Variants in SNRNP40 observed in about 807,000 individuals in gnomAD.
The protein encoded by SNRNP40 is U5 small nuclear ribonucleoprotein 40 kDa protein.
Under a neutral mutation model 45.8 loss-of-function variants are expected in SNRNP40, and 21 were observed. The ratio of observed to expected loss-of-function variants is 0.46; its 90% CI spans 0.32 to 0.66. The LOEUF is 0.66. Among genes scored for constraint, SNRNP40 ranks in the 30% least tolerant of loss-of-function variants. The pLI is 0.03. For missense variants in SNRNP40, 344 were observed against 439.1 expected (o/e 0.78, Z 1.94); for synonymous variants, 142 against 163.8 (o/e 0.87, Z 1.01).
Position 31,269,224 on chromosome 1 carries a change from G to C in SNRNP40, c.792C>G (p.Val264=). The change falls in exon 7 of 10, where the codon GTC becomes GTG. Residue 264 remains valine (V), a synonymous_variant. Coordinates refer to ENST00000263694, the MANE Select transcript of SNRNP40 (RefSeq NM_004814.3). Reference sequence around the variant, plus strand: ...ATCTCTCTTTGGGGGCAAATGGCCGGACATCCCAGACACGAACTGCAAAAC... The same window carrying C: ...ATCTCTCTTTGGGGGCAAATGGCCGCACATCCCAGACACGAACTGCAAAAC... ...AMDNTVRVWD[V]RPFAPKERCV... 6.2e-7 allele frequency: 1 copy of C among 1,612,640 alleles called. No homozygotes were observed. Among genetic ancestry groups the C allele is most frequent in the Non-Finnish European group, 8.5e-7 (1 of 1,179,510 alleles).
At chr1:31,282,660 C>G (rs1311638541) in intron 4 of SNRNP40, among the ~76,000 whole-genome samples, 3 of 151,550 alleles carry the variant, frequency 2.0e-5, no homozygotes, top group African/African-American at 4.9e-5. Flanking sequence ...ATGTGTCTAT[C>G]TATCTATCTA....
At chr1:31,289,455 T>C (rs768001476) in intron 3 of SNRNP40, 36 bp from the exon 4 acceptor site, 2 of 1,576,336 alleles carry the variant, frequency 1.3e-6, no homozygotes, top group South Asian at 2.2e-5. Context: ...AAGAAATAAG[T>C]GAAGATAAAC....
At position 31,289,435 on chromosome 1, in the gene SNRNP40, AAG is replaced by A; in HGVS notation, c.366-18_366-17del. On this transcript the variant is annotated splice_polypyrimidine_tract_variant and intron_variant, in intron 3 of 9. Transcript: ENST00000263694. Reference sequence around the variant, plus strand: ...GAAAAGCATACTAGAAAGTAAGAGAAAGAATAAAAAAGAAATAAGTGAAGATA... The same window carrying A: ...GAAAAGCATACTAGAAAGTAAGAGAAAATAAAAAAGAAATAAGTGAAGATA... 2 of 1,598,714 alleles carry A rather than the reference AAG, an allele frequency of 1.3e-6. No homozygotes were observed. Among genetic ancestry groups the A allele is most frequent in the Non-Finnish European group, 8.6e-7 (1 of 1,168,014 alleles).
chr1:31,289,236 C>T lies in SNRNP40; in HGVS notation c.531+18G>A, dbSNP rs761981334. 8.7e-6 allele frequency: 14 copies of T among 1,611,148 alleles called. No individual in the cohort carries two copies. The highest frequency in any genetic ancestry group is 4.0e-5 in the African/African-American group (3 of 74,862). On this transcript the variant is annotated intron_variant, in intron 4 of 9. Coordinates refer to ENST00000263694, the MANE Select transcript of SNRNP40 (RefSeq NM_004814.3). ...TCACATCACCTCAGAAACTGGAACA[C>T]GGAGAGACAATACCCACCTTAACTG...
intron 5 of SNRNP40, among the ~76,000 whole-genome samples, chr1:31,277,152 G>T (rs1224191809): frequency 6.6e-6 from 1 of 152,100 alleles, no homozygotes; most frequent in Non-Finnish European, 1.5e-5. Flanking sequence ...AGCCATGATT[G>T]CACCACTGCA....
intron 6 of SNRNP40, among the ~76,000 whole-genome samples, chr1:31,270,715 T>C (rs530719907): frequency 2.0e-4 from 31 of 152,340 alleles, no homozygotes; most frequent in African/African-American, 7.0e-4. Flanking sequence ...TCAGGTATTG[T>C]TTTTGTTACA....
intron 8 of SNRNP40, among the ~76,000 whole-genome samples, chr1:31,265,130 G>GT (rs5773349): frequency 4.0e-4 from 60 of 151,278 alleles, no homozygotes; most frequent in African/African-American, 1.0e-3. Context: ...ATGTGATTTT[G>GT]TTTTTTTTTA....
chr1:31,267,143 C>T (rs1645902454), intron 8 of SNRNP40, among the ~76,000 whole-genome samples: 1 of 152,044 alleles, frequency 6.6e-6, no homozygotes, highest in African/African-American at 2.4e-5. Context: ...GAGAGAGAAC[C>T]TAGAGGTGAG....
rs150488738 is a variant in SNRNP40 at position 31,289,451 on chromosome 1, T to C, written c.366-32A>G. On this transcript the variant is annotated intron_variant, in intron 3 of 9. Coordinates refer to ENST00000263694, the MANE Select transcript of SNRNP40 (RefSeq NM_004814.3). ...AGTAAGAGAAAGAATAAAAAAGAAA[T>C]AAGTGAAGATAAACAGTAACAATCT... 1.8e-5 allele frequency: 28 copies of C among 1,579,016 alleles called. No individual in the cohort carries two copies. In the African/African-American group the frequency reaches 3.1e-4, roughly 17 times the overall value.
At chr1:31,269,425 C>G in intron 6 of SNRNP40, 185 bp from the exon 7 acceptor site, 1 of 1,341,432 alleles carries the variant, frequency 7.5e-7, no homozygotes, top group Non-Finnish European at 9.7e-7. Flanking sequence ...GAAAACACAT[C>G]TAAATCCCAA....
chr1:31,263,953 T>C (rs4949202), intron 8 of SNRNP40, among the ~76,000 whole-genome samples: 82,489 of 148,572 alleles, frequency 0.56, 23,514 homozygotes, highest in Non-Finnish European at 0.63. Context: ...TGACCCTCAA[T>C]CTTGCTTAAG....
intron 4 of SNRNP40, chr1:31,282,320 A>C (rs1646021958): frequency 6.6e-6 from 1 of 152,134 alleles, no homozygotes; most frequent in East Asian, 1.9e-4. Context: ...AAAACATTTA[A>C]AGGAAAGGAC....
chr1:31,265,985 AATTCTTTAG>A (rs1645893403), intron 8 of SNRNP40, among the ~76,000 whole-genome samples: 3 of 152,174 alleles, frequency 2.0e-5, no homozygotes, highest in African/African-American at 7.2e-5. Flanking sequence ...GATAACTTAA[AATTCTTTAG>A]ATTTCCCTCT....
intron 1 of SNRNP40, among the ~76,000 whole-genome samples, chr1:31,295,872 T>C (rs938319463): frequency 1.3e-5 from 2 of 152,252 alleles, no homozygotes; most frequent in African/African-American, 2.4e-5. Flanking sequence ...TAGACCTATT[T>C]TGAGGACGGT....
At chr1:31,290,707 C>T (rs1334777047) in intron 3 of SNRNP40, among the ~76,000 whole-genome samples, 2 of 151,762 alleles carry the variant, frequency 1.3e-5, no homozygotes, top group East Asian at 3.9e-4. Flanking sequence ...GAAACCCCAT[C>T]TCTATTAAAA....
In SNRNP40 at chr1:31,278,874, C is replaced by G. The variant is rs555233399; in HGVS notation, c.654+2500G>C. 1.1e-4 allele frequency among the ~76,000 whole-genome samples: 16 copies of G among 151,910 alleles called. No individual in the cohort carries two copies. In the South Asian group the frequency reaches 3.1e-3, roughly 30 times the overall value. On this transcript the variant is annotated intron_variant, in intron 5 of 9. Coordinates refer to ENST00000263694, the MANE Select transcript of SNRNP40 (RefSeq NM_004814.3). ...CAGCGAGAAAAGCAAAGGCCCTTGG[C>G]GAATAATGATGTTTAAAGACTCCAC...
chr1:31,267,207 T>C (rs1158446353), intron 8 of SNRNP40, among the ~76,000 whole-genome samples: 1 of 152,030 alleles, frequency 6.6e-6, no homozygotes, highest in African/African-American at 2.4e-5. Flanking sequence ...ATTGTGGTGA[T>C]GGTGGGGGAG....
In SNRNP40 at chr1:31,261,571, C is replaced by T. The variant is rs1645859380; in HGVS notation, c.982G>A (p.Gly328Ser). 1 of 1,613,954 alleles carries T rather than the reference C, an allele frequency of 6.2e-7. No homozygotes were observed. Among genetic ancestry groups the T allele is most frequent in the African/African-American group, 1.3e-5 (1 of 74,906 alleles). Residue 328 changes from glycine to serine, a missense_variant, in exon 9 of 10, where the codon GGC (glycine) becomes AGC (serine). By Grantham distance (56) the Gly-to-Ser change is moderately conservative (BLOSUM62 0). This residue lies in a region of SNRNP40 where 254 missense variants were observed against 380.2 expected (regional missense o/e 0.67). Transcript: ENST00000263694. ...TGGAAAGCCACTTCATTGATGGAGCCAGCATGGCCGGGCAGCTTATACAAT... is the reference window on the plus strand; with the variant it reads ...TGGAAAGCCACTTCATTGATGGAGCTAGCATGGCCGGGCAGCTTATACAAT... ...RILYKLPGHA[G>S]SINEVAFHPD...
intron 5 of SNRNP40, among the ~76,000 whole-genome samples, chr1:31,276,955 G>A (rs1645979982): frequency 6.6e-6 from 1 of 151,982 alleles, no homozygotes; most frequent in Non-Finnish European, 1.5e-5. Context: ...AATCACTTGA[G>A]TCCGGGAGGT....
Sources: allele counts gnomAD v4.1 joint callset (sites outside exome capture counted in the v4.1 genomes callset), GRCh38; gene constraint gnomAD v4.1.1; regional missense constraint gnomAD v4.1.1; transcripts MANE v1.5; gene names NCBI Gene and HGNC (gene_info 2026-07-23, HGNC 2026-07-21).